Variants in LMBR1 observed in about 807,000 individuals in gnomAD.
LMBR1 encodes limb region 1 protein homolog.
A neutral mutation model predicts 73.9 loss-of-function variants in LMBR1; 52 were observed. The observed-to-expected ratio is 0.70, with a 90% CI of 0.56 to 0.89. LMBR1 has a LOEUF of 0.89. LMBR1 is among the 40% of genes least tolerant of loss of function. The pLI, the probability that LMBR1 is intolerant of heterozygous loss-of-function variation, is 0.00. For missense variants in LMBR1, 539 were observed against 579.8 expected (o/e 0.93, Z 0.72); for synonymous variants, 215 against 209.4 (o/e 1.03, Z -0.23).
At chr7:156,705,963 C>A (rs1313611590) in intron 15 of LMBR1, among the ~76,000 whole-genome samples, 1 of 152,030 alleles carries the variant, frequency 6.6e-6, no homozygotes, top group Non-Finnish European at 1.5e-5. Context: ...GGATTAAATT[C>A]TCCTCTTAAA....
At chr7:156,856,489 G>C (rs1028590220) in intron 1 of LMBR1, among the ~76,000 whole-genome samples, 4 of 152,086 alleles carry the variant, frequency 2.6e-5, no homozygotes, top group African/African-American at 7.2e-5. Flanking sequence ...GGGAGGCCAA[G>C]GTGGGTGGAT....
At chr7:156,830,328 GGTTA>G (rs1437549127) in intron 3 of LMBR1, among the ~76,000 whole-genome samples, 6 of 151,846 alleles carry the variant, frequency 4.0e-5, no homozygotes, top group African/African-American at 1.2e-4. Flanking sequence ...ATATTTCATG[GGTTA>G]GTATTTCAAT....
At chr7:156,769,127 C>T (rs1205023722) in intron 5 of LMBR1, among the ~76,000 whole-genome samples, 1 of 152,122 alleles carries the variant, frequency 6.6e-6, no homozygotes, top group African/African-American at 2.4e-5. Context: ...GTCAGCAGTG[C>T]AAGCTACATC....
At chr7:156,739,358 T>G (rs1013727361) in intron 9 of LMBR1, among the ~76,000 whole-genome samples, 1 of 152,146 alleles carries the variant, frequency 6.6e-6, no homozygotes. Context: ...CTGCCCTGGG[T>G]CTGAGGGAAC....
chr7:156,836,230 G>A (rs1404884644), intron 2 of LMBR1, among the ~76,000 whole-genome samples: 2 of 152,094 alleles, frequency 1.3e-5, no homozygotes, highest in African/African-American at 4.8e-5. Flanking sequence ...TCAGAAAACA[G>A]CTGAGATTTA....
At chr7:156,724,391 C>T (rs559988979) in intron 14 of LMBR1, among the ~76,000 whole-genome samples, 1 of 152,126 alleles carries the variant, frequency 6.6e-6, no homozygotes, top group East Asian at 1.9e-4. Context: ...GTTTACAGTA[C>T]CTAGCACAGA....
chr7:156,803,102 A>G (rs1458060638), intron 4 of LMBR1, among the ~76,000 whole-genome samples: 1 of 152,202 alleles, frequency 6.6e-6, no homozygotes, highest in African/African-American at 2.4e-5. Context: ...CAAGGACTTC[A>G]TGTCTAAAAC....
intron 1 of LMBR1, among the ~76,000 whole-genome samples, chr7:156,843,633 G>A (rs1839092299): frequency 6.6e-6 from 1 of 152,044 alleles, no homozygotes; most frequent in African/African-American, 2.4e-5. Flanking sequence ...ATCACTTGAG[G>A]TCAGGAGTTC....
intron 5 of LMBR1, among the ~76,000 whole-genome samples, chr7:156,783,389 G>A (rs1236141693): frequency 6.6e-6 from 1 of 151,890 alleles, no homozygotes; most frequent in Non-Finnish European, 1.5e-5. Flanking sequence ...ATGTTGCCCA[G>A]GCTAGTCTCG....
chr7:156,691,302 A>C (rs1443754534), intron 15 of LMBR1, among the ~76,000 whole-genome samples: 1 of 152,224 alleles, frequency 6.6e-6, no homozygotes, highest in African/African-American at 2.4e-5. Flanking sequence ...CATAAGGTTC[A>C]CATTATCTAG....
chr7:156,798,241 C>A lies in LMBR1; in HGVS notation c.320-1749G>T, dbSNP rs138506109. Among the ~76,000 whole-genome samples, 906 of 152,322 alleles carry A rather than the reference C, an allele frequency of 5.9e-3. 7 individuals carry two copies. Among genetic ancestry groups the A allele is most frequent in the South Asian group, 0.019 (93 of 4,820 alleles). ...AATAATGCACGTACAACAACTGACA[C>A]AATGCCTGTCATAAAATAAGCATTT... On this transcript the variant is annotated intron_variant, in intron 4 of 16. Coordinates refer to ENST00000353442, the MANE Select transcript of LMBR1 (RefSeq NM_022458.4).
intron 9 of LMBR1, among the ~76,000 whole-genome samples, chr7:156,755,608 C>T (rs1221603337): frequency 6.6e-6 from 1 of 152,162 alleles, no homozygotes; most frequent in Non-Finnish European, 1.5e-5. Context: ...ATAAAGCTGA[C>T]ATTGTTGACT....
intron 15 of LMBR1, among the ~76,000 whole-genome samples, chr7:156,703,073 C>A (rs1190693678): frequency 3.3e-5 from 5 of 152,196 alleles, no homozygotes; most frequent in East Asian, 1.9e-4. Flanking sequence ...TTGGAGAGCA[C>A]CTTGACTCTC....
intron 15 of LMBR1, among the ~76,000 whole-genome samples, chr7:156,699,192 G>C (rs1338263477): frequency 1.3e-5 from 2 of 152,098 alleles, no homozygotes; most frequent in African/African-American, 2.4e-5. Context: ...GCATGGTACT[G>C]GTACCAAAAC....
intron 1 of LMBR1, among the ~76,000 whole-genome samples, chr7:156,885,103 C>G (rs1408868703): frequency 6.6e-6 from 1 of 152,238 alleles, no homozygotes; most frequent in Admixed American, 6.5e-5. Context: ...GTAATCCCAG[C>G]ACTTTGCGAG....
At chr7:156,803,506 G>A (rs1831397583) in intron 4 of LMBR1, among the ~76,000 whole-genome samples, 1 of 152,118 alleles carries the variant, frequency 6.6e-6, no homozygotes, top group African/African-American at 2.4e-5. Context: ...GAAACAACAG[G>A]TGCTGGAGAG....
intron 4 of LMBR1, chr7:156,822,437 T>A (rs1050179909): frequency 1.3e-5 from 2 of 152,202 alleles, no homozygotes; most frequent in African/African-American, 4.8e-5. Context: ...CAGGTCTATC[T>A]GACTCCAAAA....
intron 15 of LMBR1, among the ~76,000 whole-genome samples, chr7:156,721,366 T>G (rs1374620464): frequency 6.6e-6 from 1 of 152,104 alleles, no homozygotes; most frequent in African/African-American, 2.4e-5. Context: ...ATAAAGAACA[T>G]ATCAGCAATC....
intron 4 of LMBR1, among the ~76,000 whole-genome samples, chr7:156,800,790 G>A (rs1205481344): frequency 6.6e-6 from 1 of 152,170 alleles, no homozygotes; most frequent in Non-Finnish European, 1.5e-5. Flanking sequence ...ATTCATGGGA[G>A]GTCAAAATAT....
Sources: gnomAD v4.1 joint callset for allele counts (sites outside exome capture counted in the v4.1 genomes callset) on GRCh38, gnomAD v4.1.1 for gene constraint, MANE v1.5 for transcripts, NCBI Gene and HGNC (gene_info 2026-07-23, HGNC 2026-07-21) for gene names.